Variants in PLA2G12A observed in about 807,000 individuals in gnomAD.
The protein encoded by PLA2G12A is phospholipase A2 group XIIA.
A neutral mutation model predicts 16.0 loss-of-function variants in PLA2G12A; 11 were observed. The ratio of observed to expected loss-of-function variants is 0.69; its 90% confidence interval spans 0.43 to 1.13. The LOEUF (loss-of-function observed/expected upper bound fraction) is 1.13, where lower values mean the gene tolerates loss of function less well. Ranked by LOEUF, PLA2G12A falls within the 50% of genes most tolerant of loss-of-function variation. The pLI is 0.00. For missense variants in PLA2G12A, 214 were observed against 237.3 expected (o/e 0.90, Z 0.65); for synonymous variants, 77 against 93.8 (o/e 0.82, Z 1.03).
chr4:109,718,611 T>TA (rs1241159573), intron 2 of PLA2G12A, 72 bp downstream of exon 2: 15 of 1,135,808 alleles, frequency 1.3e-5, no homozygotes, highest in Non-Finnish European at 1.7e-5. Flanking sequence ...AACATGCTGA[T>TA]AGTCTTATAT....
rs1730871393 is a variant in PLA2G12A, at chr4:109,718,740, A to T, written c.228T>A (p.Arg76=). The T allele has an allele frequency of 1.3e-6, 2 of 1,598,076 alleles. No homozygotes were observed. Among genetic ancestry groups the T allele is most frequent in the Admixed American group, 3.5e-5 (2 of 57,426 alleles). The change falls in exon 2 of 4, where the codon CGT becomes CGA. Residue 76 remains arginine, a synonymous_variant. Transcript: ENST00000243501. The stretch of plus-strand genomic sequence containing the variant: ...TCGGTGGGGAGGGTTTATAACCATA[A>T]CGTGGGAAAGGCTTAGATCCTATAA... ...KCSDGSKPFP[R]YGYKPSPPNG...
chr4:109,710,774 C>T lies in PLA2G12A; in HGVS notation c.*3603G>A, dbSNP rs528533500. On this transcript the variant is annotated 3_prime_UTR_variant, in exon 4 of 4. Coordinates refer to ENST00000243501, the MANE Select transcript of PLA2G12A (RefSeq NM_030821.5). ...AACCACCATGCCCAGCCTCTAACAA[C>T]TAATTTTAATAAGTATTACTGGACT... is the stretch of plus-strand genomic sequence containing the variant. The T allele has an allele frequency of 5.1e-4, 77 of 152,308 alleles. 1 individual carries two copies. Among genetic ancestry groups the T allele is most frequent in the African/African-American group, 1.9e-3 (77 of 41,578 alleles). The allele number at this position is 152,308 out of a possible 1,614,324, so 9.4% of individuals were successfully genotyped here. A position where few individuals can be genotyped will look rare whatever the true frequency, so the allele number is the denominator to read the frequency against.
chr4:109,723,356 T>C (rs565682215), intron 1 of PLA2G12A, among the ~76,000 whole-genome samples: 238 of 152,352 alleles, frequency 1.6e-3, no homozygotes, highest in Non-Finnish European at 2.2e-3. Context: ...TTCACCATTC[T>C]CGACTGCTGA....
chr4:109,726,276 A>G (rs1722936569), intron 1 of PLA2G12A, among the ~76,000 whole-genome samples: 1 of 152,202 alleles, frequency 6.6e-6, no homozygotes, highest in Admixed American at 6.5e-5. Context: ...CAAATGTGTT[A>G]TTATTTTTCC....
intron 1 of PLA2G12A, among the ~76,000 whole-genome samples, chr4:109,723,558 T>C (rs1722856115): frequency 1.3e-5 from 2 of 152,220 alleles, no homozygotes; most frequent in Admixed American, 1.3e-4. Flanking sequence ...CATTTATCTA[T>C]AGTTTTCTTT....
At position 109,715,056 on chromosome 4, in the gene PLA2G12A, CTGACT is replaced by C. The variant is rs148670112; in HGVS notation, c.452-566_452-562del. On this transcript the variant is annotated intron_variant, in intron 3 of 3. Transcript: ENST00000243501. ...AAACTCCTGGACTCAGGCAGTCCTC[CTGACT>C]TGTCTTCCCAAAGTGCTGGGATTAC... is the stretch of plus-strand genomic sequence containing the variant. Among the ~76,000 whole-genome samples the C allele has an allele frequency of 4.0e-3, 616 of 152,294 alleles. 7 individuals carry two copies. Among genetic ancestry groups the C allele is most frequent in the African/African-American group, 0.014 (574 of 41,570 alleles).
chr4:109,728,710 CCAA>C (rs1299939602), intron 1 of PLA2G12A, among the ~76,000 whole-genome samples: 5 of 152,220 alleles, frequency 3.3e-5, no homozygotes, highest in Non-Finnish European at 7.3e-5. Flanking sequence ...CAATCAGGTT[CCAA>C]CAATGAAGTC....
intron 1 of PLA2G12A, among the ~76,000 whole-genome samples, chr4:109,727,490 A>G (rs1214387607): frequency 1.3e-5 from 2 of 152,176 alleles, no homozygotes; most frequent in African/African-American, 2.4e-5. Context: ...TTAAACGTAG[A>G]GTACTTACTA....
chr4:109,715,017 C>T (rs1227961391), intron 3 of PLA2G12A, among the ~76,000 whole-genome samples: 2 of 151,964 alleles, frequency 1.3e-5, no homozygotes, highest in African/African-American at 4.8e-5. Context: ...CACTATGTTG[C>T]CCAGGCTGGT....
intron 1 of PLA2G12A, among the ~76,000 whole-genome samples, chr4:109,720,985 C>G (rs1202500245): frequency 6.6e-6 from 1 of 152,054 alleles, no homozygotes; most frequent in East Asian, 1.9e-4. Context: ...GCAGGAGAAT[C>G]GCTTGAACCT....
At position 109,717,584 on chromosome 4, in the gene PLA2G12A, C is replaced by T. The variant is rs1468744852; in HGVS notation, c.415G>A (p.Val139Ile). The T allele has an allele frequency of 2.5e-6, 4 of 1,613,956 alleles. No homozygotes were observed. Among genetic ancestry groups the T allele is most frequent in the Non-Finnish European group, 1.7e-6 (2 of 1,179,834 alleles). The change falls in exon 3 of 4, where the codon GTA (valine) becomes ATA (isoleucine). Residue 139 changes from valine to isoleucine, a missense_variant. Coordinates refer to ENST00000243501, the MANE Select transcript of PLA2G12A (RefSeq NM_030821.5). The stretch of plus-strand genomic sequence containing the variant: ...TGAGTTAGTCCTAGTGTTTTCTGTA[C>T]ATCTCGGCAGATCTTGGAGAGGCAA... Reference protein sequence around the residue: ...QYCLSKICRDVQKTLGLTQHV... With the variant: ...QYCLSKICRDIQKTLGLTQHV...
rs971136933 is a variant in PLA2G12A at position 109,712,873 on chromosome 4, T to G, written c.*1504A>C. Reference sequence around the variant, plus strand: ...TTTGAAATAAAGAATCAATTGAGGGTCCCAAACATTTAAGTGGAAACCCAG... The same window carrying G: ...TTTGAAATAAAGAATCAATTGAGGGGCCCAAACATTTAAGTGGAAACCCAG... On this transcript the variant is annotated 3_prime_UTR_variant, in exon 4 of 4. Transcript: ENST00000243501. 1.3e-5 allele frequency: 2 copies of G among 151,998 alleles called. No homozygotes were observed. Among genetic ancestry groups the G allele is most frequent in the Admixed American group, 6.6e-5 (1 of 15,254 alleles). The allele number at this position is 151,998 out of a possible 1,614,324, so 9.4% of individuals were successfully genotyped here.
chr4:109,714,731 ATTT>A (rs369832658), intron 3 of PLA2G12A, among the ~76,000 whole-genome samples: 6 of 130,152 alleles, frequency 4.6e-5, no homozygotes, highest in Admixed American at 1.5e-4. Flanking sequence ...GTTTAACCCA[ATTT>A]TTTTTTTTTT....
intron 1 of PLA2G12A, among the ~76,000 whole-genome samples, chr4:109,728,333 GAAC>G (rs1487862206): frequency 2.6e-5 from 4 of 152,126 alleles, no homozygotes; most frequent in East Asian, 1.9e-4. Context: ...TCTCAAATTA[GAAC>G]AACATCTGAA....
At chr4:109,721,850 C>T (rs769915367) in intron 1 of PLA2G12A, among the ~76,000 whole-genome samples, 3 of 152,152 alleles carry the variant, frequency 2.0e-5, no homozygotes, top group Admixed American at 6.5e-5. Context: ...TTATACCCCA[C>T]ATTCAATCCA....
chr4:109,717,119 C>G (rs923285296), intron 3 of PLA2G12A, among the ~76,000 whole-genome samples: 2 of 152,168 alleles, frequency 1.3e-5, no homozygotes, highest in African/African-American at 4.8e-5. Flanking sequence ...TCTGCTAGTG[C>G]CTTGATCTTG....
Position 109,730,063 on chromosome 4 carries a change from C to A in PLA2G12A, c.-254G>T. The A allele has an allele frequency of 2.7e-6, 1 of 370,828 alleles. No individual in the cohort carries two copies. The highest frequency in any genetic ancestry group is 4.8e-6 in the Non-Finnish European group (1 of 209,184). 23.0% of individuals were successfully genotyped at this position (370,828 alleles called of 1,614,324 possible). On this transcript the variant is annotated 5_prime_UTR_variant, in exon 1 of 4. Coordinates refer to ENST00000243501, the MANE Select transcript of PLA2G12A (RefSeq NM_030821.5). ...CCGCTCACCTGGGCCAGCAACCGTC[C>A]CCTGTGCGCCTGCGCCGGAGCACGG...
At chr4:109,715,158 T>C (rs935085945) in intron 3 of PLA2G12A, among the ~76,000 whole-genome samples, 1 of 152,174 alleles carries the variant, frequency 6.6e-6, no homozygotes, top group Non-Finnish European at 1.5e-5. Context: ...TAGCACTGAT[T>C]AATCAGTGTT....
At chr4:109,716,547 T>G (rs1223658605) in intron 3 of PLA2G12A, among the ~76,000 whole-genome samples, 3 of 152,212 alleles carry the variant, frequency 2.0e-5, no homozygotes, top group Non-Finnish European at 4.4e-5. Context: ...TAGAGAAATC[T>G]TATAACTACC....
Sources: allele counts gnomAD v4.1 joint callset (sites outside exome capture counted in the v4.1 genomes callset), GRCh38; gene constraint gnomAD v4.1.1; transcripts MANE v1.5; gene names NCBI Gene and HGNC (gene_info 2026-07-23, HGNC 2026-07-21).